The following ZNF710 variants were observed in gnomAD, a reference collection of about 807,000 sequenced individuals.
ZNF710 encodes the protein zinc finger protein 710.
ZNF710 carries 13 observed loss-of-function variants against 50.6 expected under a neutral mutation model. The observed-to-expected ratio is 0.26, with a 90% CI of 0.17 to 0.41. ZNF710 has a LOEUF of 0.41. Among genes scored for constraint, ZNF710 ranks in the 10% least tolerant of loss-of-function variants. The pLI is 1.00. For synonymous variants in ZNF710, 383 were observed against 397.0 expected (o/e 0.96, Z 0.42); for missense variants, 721 against 936.6 (o/e 0.77, Z 3.01).
At chr15:90,022,044 T>C (rs1898640135) in intron 1 of ZNF710, among the ~76,000 whole-genome samples, 1 of 151,410 alleles carries the variant, frequency 6.6e-6, no homozygotes, top group South Asian at 2.1e-4. Flanking sequence ...ATCCAGCCAC[T>C]GTACTTCAGG....
At chr15:90,003,646 G>A (rs1182430369) in intron 1 of ZNF710, among the ~76,000 whole-genome samples, 4 of 152,140 alleles carry the variant, frequency 2.6e-5, no homozygotes, top group African/African-American at 9.7e-5. Context: ...AAAGCCGATG[G>A]GGCTATCTGG....
intron 1 of ZNF710, among the ~76,000 whole-genome samples, chr15:90,020,283 G>A (rs1011205447): frequency 2.6e-5 from 4 of 152,040 alleles, no homozygotes; most frequent in African/African-American, 7.3e-5. Context: ...CTCTCCTGCC[G>A]GGACCTAGAC....
intron 1 of ZNF710, among the ~76,000 whole-genome samples, chr15:90,044,120 C>T (rs987716939): frequency 3.3e-5 from 5 of 152,168 alleles, no homozygotes; most frequent in East Asian, 1.9e-4. Flanking sequence ...CTTTTAGGCT[C>T]CTGCTTTAAA....
At chr15:90,027,318 C>T (rs955114920) in intron 1 of ZNF710, among the ~76,000 whole-genome samples, 13 of 152,024 alleles carry the variant, frequency 8.6e-5, no homozygotes, top group African/African-American at 3.1e-4. Flanking sequence ...TCAAGCGATT[C>T]TCCTGCCTCA....
At chr15:90,018,508 G>A (rs1479012010) in intron 1 of ZNF710, among the ~76,000 whole-genome samples, 14 of 152,154 alleles carry the variant, frequency 9.2e-5, no homozygotes, top group Non-Finnish European at 1.6e-4. Context: ...ATTTCTTGTC[G>A]CCACCTAGAT....
At chr15:90,072,725 TTGAATGAA>T (rs933085718) in intron 2 of ZNF710, among the ~76,000 whole-genome samples, 38 of 152,086 alleles carry the variant, frequency 2.5e-4, no homozygotes, top group Admixed American at 2.1e-3. Flanking sequence ...TAAATGGTTG[TTGAATGAA>T]TGAATGAATG....
intron 1 of ZNF710, among the ~76,000 whole-genome samples, chr15:90,057,062 T>C (rs1217524300): frequency 6.6e-6 from 1 of 152,158 alleles, no homozygotes; most frequent in Non-Finnish European, 1.5e-5. Flanking sequence ...CTTTGTGTTC[T>C]GGCCTCACTC....
intron 1 of ZNF710, among the ~76,000 whole-genome samples, chr15:90,010,607 G>A (rs1189343217): frequency 6.6e-6 from 1 of 152,072 alleles, no homozygotes; most frequent in Non-Finnish European, 1.5e-5. Flanking sequence ...ACAGGATGCA[G>A]ATTTCTTTCT....
intron 1 of ZNF710, among the ~76,000 whole-genome samples, chr15:90,019,291 C>G (rs1404118189): frequency 7.7e-6 from 1 of 130,530 alleles, no homozygotes; most frequent in Non-Finnish European, 1.5e-5. Flanking sequence ...TTGTATAGTT[C>G]TTTTGAACAG....
chr15:90,071,392 T>C (rs1242104539), intron 2 of ZNF710, among the ~76,000 whole-genome samples: 1 of 152,112 alleles, frequency 6.6e-6, no homozygotes, highest in Non-Finnish European at 1.5e-5. Flanking sequence ...GTGCACATCA[T>C]GTGTTTATAA....
At chr15:90,055,003 T>A (rs1317445) in intron 1 of ZNF710, among the ~76,000 whole-genome samples, 1 of 152,096 alleles carries the variant, frequency 6.6e-6, no homozygotes, top group Non-Finnish European at 1.5e-5. Flanking sequence ...GGCAACAATT[T>A]ATTCTATCTG....
At chr15:90,060,259 A>G (rs1899966284) in intron 1 of ZNF710, among the ~76,000 whole-genome samples, 2 of 152,246 alleles carry the variant, frequency 1.3e-5, no homozygotes, top group South Asian at 4.1e-4. Context: ...TGTGCATTAA[A>G]TCAGTGGCTC....
rs1555454963 is a variant in ZNF710, at chr15:90,008,427, T to TATATAC, written c.-29+6818_-29+6819insCATATA. On this transcript the variant is annotated intron_variant, in intron 1 of 4. Coordinates refer to ENST00000268154, the MANE Select transcript of ZNF710 (RefSeq NM_198526.4). Reference sequence around the variant, plus strand: ...TAGTATACGTGTGTGTGTGTGTGTGTATATATATATATACATATATATATA... The same window carrying TATATAC: ...TAGTATACGTGTGTGTGTGTGTGTGTATATACATATATATATATACATATATATATA... 3.4e-4 allele frequency among the ~76,000 whole-genome samples: 46 copies of TATATAC among 135,054 alleles called. 1 individual carries two copies. The highest frequency in any genetic ancestry group is 1.4e-3 in the African/African-American group (43 of 30,388). The allele number at this position is 135,054 out of a possible 152,430, so 88.6% of individuals were successfully genotyped here.
At chr15:90,066,973 G>A (rs1900187950) in intron 1 of ZNF710, 137 bp from the exon 2 acceptor site, 5 of 935,940 alleles carry the variant, frequency 5.3e-6, no homozygotes, top group Non-Finnish European at 7.7e-6. Context: ...AGTGTGCCCT[G>A]TTCCCAAGGC....
chr15:90,030,613 G>A (rs1898911386), intron 1 of ZNF710, among the ~76,000 whole-genome samples: 1 of 152,088 alleles, frequency 6.6e-6, no homozygotes, highest in African/African-American at 2.4e-5. Flanking sequence ...GGGGCACCAA[G>A]CAGGCCCATC....
At chr15:90,032,467 AAAAGT>A (rs1460501100) in intron 1 of ZNF710, among the ~76,000 whole-genome samples, 1 of 152,176 alleles carries the variant, frequency 6.6e-6, no homozygotes, top group Admixed American at 6.5e-5. Context: ...ATGGCCCCCA[AAAAGT>A]AACAATTAAG....
chr15:90,004,276 G>A (rs183194468), intron 1 of ZNF710, among the ~76,000 whole-genome samples: 33 of 152,316 alleles, frequency 2.2e-4, no homozygotes, highest in African/African-American at 7.5e-4. Flanking sequence ...GTGGCCCAGA[G>A]ATATTTCTAG....
At chr15:90,000,123 G>A (rs1200124147), upstream of ZNF710, among the ~76,000 whole-genome samples, 1 of 152,058 alleles carries the variant, frequency 6.6e-6, no homozygotes, top group Non-Finnish European at 1.5e-5. Context: ...TTGGGAAAAT[G>A]ACAAATGTGA....
intron 3 of ZNF710, among the ~76,000 whole-genome samples, 186 bp from the exon 4 acceptor site, chr15:90,073,930 C>T (rs534396317): frequency 7.1e-5 from 10 of 140,964 alleles, no homozygotes; most frequent in African/African-American, 2.1e-4. Context: ...GCAGAAGTTG[C>T]AGTGAGCCGA....
Sources: gnomAD v4.1 joint callset for allele counts (sites outside exome capture counted in the v4.1 genomes callset) on GRCh38, gnomAD v4.1.1 for gene constraint, MANE v1.5 for transcripts, NCBI Gene and HGNC (gene_info 2026-07-23, HGNC 2026-07-21) for gene names.